Variants in DCX observed in about 807,000 individuals in gnomAD.
DCX encodes the protein neuronal migration protein doublecortin.
A neutral mutation model predicts 20.9 loss-of-function variants in DCX; 4 were observed. The ratio of observed to expected loss-of-function variants is 0.19; its 90% CI spans 0.09 to 0.44. The LOEUF is 0.44. DCX is among the 20% of genes least tolerant of loss of function. The pLI is 0.99. For synonymous variants in DCX, 103 were observed against 111.4 expected (o/e 0.92, Z 0.47); for missense variants, 133 against 296.9 (o/e 0.45, Z 4.06).
At chrX:111,337,901 A>C (rs1489965920) in intron 3 of DCX, among the ~76,000 whole-genome samples, 1 of 112,225 alleles carries the variant, frequency 8.9e-6, no homozygotes, top group Non-Finnish European at 1.9e-5. Context: ...AGGATTACAC[A>C]AATAATTGGA....
intron 3 of DCX, among the ~76,000 whole-genome samples, chrX:111,380,224 G>T (rs757972639): frequency 8.1e-5 from 9 of 111,554 alleles, no homozygotes; most frequent in African/African-American, 2.9e-4. Flanking sequence ...GGTTGCTTGT[G>T]TTTTTGGTAT....
intron 3 of DCX, among the ~76,000 whole-genome samples, chrX:111,382,761 C>T (rs1276133403): frequency 9.0e-6 from 1 of 111,500 alleles, no homozygotes; most frequent in East Asian, 2.8e-4. Context: ...TCTCAGTATG[C>T]CTGATGTTCA....
intron 5 of DCX, among the ~76,000 whole-genome samples, chrX:111,314,234 C>T (rs2095064355): frequency 9.0e-6 from 1 of 111,729 alleles, no homozygotes; most frequent in African/African-American, 3.3e-5. Flanking sequence ...GTTGAGAAGC[C>T]CTCCTCCCTG....
At chrX:111,346,637 G>A (rs759269915) in intron 3 of DCX, among the ~76,000 whole-genome samples, 4 of 111,716 alleles carry the variant, frequency 3.6e-5, no homozygotes, top group Non-Finnish European at 7.5e-5. Context: ...GATACTGATC[G>A]AACGATACTG....
At chrX:111,391,742 G>A (rs753691556) in intron 3 of DCX, among the ~76,000 whole-genome samples, 2 of 111,544 alleles carry the variant, frequency 1.8e-5, no homozygotes, top group African/African-American at 3.3e-5. Context: ...TGTCCTGGTC[G>A]ATGACAACTG....
intron 3 of DCX, among the ~76,000 whole-genome samples, chrX:111,333,473 T>C (rs1199462869): frequency 1.8e-5 from 2 of 111,356 alleles, no homozygotes; most frequent in Non-Finnish European, 3.8e-5. Flanking sequence ...AATGTCACCT[T>C]TTCTCAGAGC....
At chrX:111,341,150 CTAGAA>C (rs974826562) in intron 3 of DCX, among the ~76,000 whole-genome samples, 3 of 110,017 alleles carry the variant, frequency 2.7e-5, no homozygotes, top group Non-Finnish European at 5.7e-5. Context: ...GAGCTGCTAA[CTAGAA>C]TAGTCAGTTT....
chrX:111,351,138 G>A (rs753872582), intron 3 of DCX, among the ~76,000 whole-genome samples: 1 of 111,956 alleles, frequency 8.9e-6, no homozygotes, highest in South Asian at 3.8e-4. Context: ...CAGTATGGGG[G>A]CTCATGAGGG....
At chrX:111,338,581 CTT>C (rs758262346) in intron 3 of DCX, among the ~76,000 whole-genome samples, 8 of 95,957 alleles carry the variant, frequency 8.3e-5, no homozygotes, top group African/African-American at 3.8e-5. Context: ...ACAATCCTGA[CTT>C]TTTTTTTTTT....
chrX:111,340,418 T>G (rs1465961440), intron 3 of DCX, among the ~76,000 whole-genome samples: 2 of 112,352 alleles, frequency 1.8e-5, no homozygotes, highest in Admixed American at 1.9e-4. Context: ...GCAGTCTCTG[T>G]AGACCAGCAG....
chrX:111,321,200 C>A (rs981017716), intron 5 of DCX, among the ~76,000 whole-genome samples: 1 of 111,993 alleles, frequency 8.9e-6, no homozygotes, highest in African/African-American at 3.2e-5. Flanking sequence ...GGGTATCATA[C>A]ACAGTGTCAT....
intron 5 of DCX, among the ~76,000 whole-genome samples, chrX:111,321,548 C>A (rs2095086549): frequency 9.0e-6 from 1 of 111,050 alleles, no homozygotes; most frequent in Non-Finnish European, 1.9e-5. Context: ...GAAAATGGGT[C>A]CCTGGGGGAT....
intron 3 of DCX, among the ~76,000 whole-genome samples, chrX:111,358,502 A>G (rs1310376321): frequency 9.8e-5 from 11 of 112,035 alleles, no homozygotes; most frequent in African/African-American, 3.6e-4. Flanking sequence ...TAGAAGAAGA[A>G]TTTGCCTTAT....
At chrX:111,403,687 G>T (rs1388566991) in intron 2 of DCX, among the ~76,000 whole-genome samples, 1 of 112,100 alleles carries the variant, frequency 8.9e-6, no homozygotes. Flanking sequence ...CAAAGCAAGG[G>T]TGATAATAAG....
At chrX:111,367,201 C>G (rs1022692155) in intron 3 of DCX, among the ~76,000 whole-genome samples, 4 of 111,696 alleles carry the variant, frequency 3.6e-5, no homozygotes, top group African/African-American at 1.3e-4. Flanking sequence ...CATGAGGGAG[C>G]AGAGATAGGC....
intron 3 of DCX, among the ~76,000 whole-genome samples, chrX:111,334,894 C>T (rs764427359): frequency 8.9e-6 from 1 of 111,791 alleles, no homozygotes; most frequent in South Asian, 3.8e-4. Context: ...GTCCAAATGA[C>T]CCTAGTCACT....
chrX:111,345,166 T>C (rs1015390936), intron 3 of DCX, among the ~76,000 whole-genome samples: 5 of 111,478 alleles, frequency 4.5e-5, no homozygotes, highest in African/African-American at 1.3e-4. Flanking sequence ...CAATAAATGG[T>C]ACTGGGAAAA....
At chrX:111,394,272 T>G (rs1383803833) in intron 3 of DCX, among the ~76,000 whole-genome samples, 1 of 111,911 alleles carries the variant, frequency 8.9e-6, no homozygotes, top group Non-Finnish European at 1.9e-5. Context: ...TTATTAAATG[T>G]CATGAATAAG....
chrX:111,323,127 C>T (rs755858704), intron 5 of DCX, among the ~76,000 whole-genome samples: 3 of 111,681 alleles, frequency 2.7e-5, no homozygotes, highest in South Asian at 3.8e-4. Flanking sequence ...CTGTTGTCAA[C>T]GCTGACTGCT....
Sources: gnomAD v4.1 joint callset for allele counts (sites outside exome capture counted in the v4.1 genomes callset) on GRCh38, gnomAD v4.1.1 for gene constraint, MANE v1.5 for transcripts, NCBI Gene and HGNC (gene_info 2026-07-23, HGNC 2026-07-21) for gene names.